CALCOCO2: variants seen among roughly 807,000 people sequenced by gnomAD.
The protein encoded by CALCOCO2 is calcium binding and coiled-coil domain 2.
A neutral mutation model predicts 62.5 loss-of-function variants in CALCOCO2; 42 were observed. That is an observed-to-expected ratio of 0.67 (90% CI 0.53 to 0.87). The LOEUF (loss-of-function observed/expected upper bound fraction) is 0.87. Among genes scored for constraint, CALCOCO2 ranks in the 40% least tolerant of loss-of-function variants. The pLI is 0.00. For synonymous variants in CALCOCO2, 167 were observed against 173.0 expected, an observed-to-expected ratio of 0.97 and a Z score of 0.27; for missense variants, 456 against 515.0, an observed-to-expected ratio of 0.89 and a Z score of 1.11.
rs561833662 is a variant in CALCOCO2, at chr17:48,857,673, G to A, written c.1008+1486G>A. 5.5e-4 allele frequency among the ~76,000 whole-genome samples: 82 copies of A among 149,050 alleles called. No homozygotes were observed. The South Asian group carries it at 0.015, about 28-fold the overall frequency. The stretch of plus-strand genomic sequence containing the variant: ...ACTATTTTTTTCTTTTTAAAATTGC[G>A]GTTAAAACACATAAAATTTGGCTGG... On this transcript the variant is annotated intron_variant, in intron 10 of 12. Coordinates refer to ENST00000258947, the MANE Select transcript of CALCOCO2 (RefSeq NM_005831.5).
chr17:48,839,391 C>T (rs2039943442), intron 1 of CALCOCO2: 1 of 149,860 alleles, frequency 6.7e-6, no homozygotes, highest in Admixed American at 6.8e-5. Context: ...CTCTGTCCCC[C>T]AGGCTGGAGT....
intron 1 of CALCOCO2, among the ~76,000 whole-genome samples, chr17:48,838,396 T>C (rs955647898): frequency 1.3e-5 from 2 of 152,088 alleles, no homozygotes; most frequent in African/African-American, 4.8e-5. Flanking sequence ...ACTTTTTTTT[T>C]CTTTGGAGAC....
intron 10 of CALCOCO2, among the ~76,000 whole-genome samples, chr17:48,858,841 T>G (rs1228022038): frequency 6.6e-6 from 1 of 150,862 alleles, no homozygotes; most frequent in East Asian, 2.0e-4. Context: ...GATCACGAGG[T>G]CAGGAGTTCA....
chr17:48,850,728 G>C (rs1024491508), intron 5 of CALCOCO2, among the ~76,000 whole-genome samples: 44 of 152,010 alleles, frequency 2.9e-4, no homozygotes, highest in African/African-American at 1.1e-3. Flanking sequence ...AGTGGAATGA[G>C]AAATTAAGGT....
rs561228963 is a variant in CALCOCO2, at chr17:48,858,122, G to A, written c.1008+1935G>A. Among the ~76,000 whole-genome samples, 15 of 150,852 alleles carry A rather than the reference G, an allele frequency of 9.9e-5. 1 individual carries two copies. In the South Asian group the frequency reaches 3.0e-3, roughly 30 times the overall value. On this transcript the variant is annotated intron_variant, in intron 10 of 12. Transcript: ENST00000258947. ...AGTGTACAGTTCAGTAGAGTTAAGT[G>A]CATCACAGTGCTATGCAACAGATCT...
At chr17:48,842,032 C>G (rs2039980630) in intron 2 of CALCOCO2, 145 bp downstream of exon 2, 3 of 509,318 alleles carry the variant, frequency 5.9e-6, no homozygotes, top group African/African-American at 3.9e-5. Context: ...CAGCACTTCT[C>G]TCTTCACACA....
intron 9 of CALCOCO2, among the ~76,000 whole-genome samples, chr17:48,854,396 A>ATTTTTTT (rs1226127478): frequency 2.1e-3 from 4 of 1,912 alleles, no homozygotes; most frequent in Non-Finnish European, 2.0e-3. Context: ...ATATATATAT[A>ATTTTTTT]TTTTTTTTTT....
intron 2 of CALCOCO2, 125 bp downstream of exon 2, chr17:48,842,012 C>G: frequency 1.7e-6 from 1 of 604,992 alleles, no homozygotes; most frequent in Non-Finnish European, 2.8e-6. Context: ...TAAATTCTAG[C>G]CAAGCTCCAC....
chr17:48,858,072 A>AATAGAATAGAATAGG, intron 10 of CALCOCO2, among the ~76,000 whole-genome samples: 1 of 147,002 alleles, frequency 6.8e-6, no homozygotes, highest in Non-Finnish European at 1.5e-5. Flanking sequence ...AATAGAATAG[A>AATAGAATAGAATAGG]ATTTTACCAT....
chr17:48,845,458 TG>T (rs1489756716), intron 2 of CALCOCO2, among the ~76,000 whole-genome samples: 14 of 149,774 alleles, frequency 9.3e-5, no homozygotes, highest in African/African-American at 3.4e-4. Context: ...GGCCAGGTGC[TG>T]TGGCTCATGC....
chr17:48,850,931 A>AG, intron 5 of CALCOCO2, 158 bp from the exon 6 acceptor site: 5 of 519,536 alleles, frequency 9.6e-6, no homozygotes, highest in Non-Finnish European at 7.1e-6. Context: ...AAAAAAAAAA[A>AG]AAGAACATTT....
intron 1 of CALCOCO2, among the ~76,000 whole-genome samples, chr17:48,836,368 C>T (rs1449984802): frequency 1.3e-5 from 2 of 152,152 alleles, no homozygotes; most frequent in African/African-American, 2.4e-5. Context: ...AGCAGTTTCT[C>T]CAAGGGTCAA....
At position 48,858,433 on chromosome 17, in the gene CALCOCO2, G is replaced by A. The variant is rs537762515; in HGVS notation, c.1009-1881G>A. Among the ~76,000 whole-genome samples the A allele has an allele frequency of 2.1e-4, 32 of 152,114 alleles. No individual in the cohort carries two copies. In the East Asian group the frequency reaches 6.2e-3, roughly 30 times the overall value. On this transcript the variant is annotated intron_variant, in intron 10 of 12. Transcript: ENST00000258947. Reference sequence around the variant, plus strand: ...CAACCTCCACCTCCCAGATTCAAGTGATTCTTGTGCTTCAGCCTCCTGAGT... The same window carrying A: ...CAACCTCCACCTCCCAGATTCAAGTAATTCTTGTGCTTCAGCCTCCTGAGT...
chr17:48,857,984 G>A (rs1051690822), intron 10 of CALCOCO2, among the ~76,000 whole-genome samples: 10 of 19,298 alleles, frequency 5.2e-4, no homozygotes, highest in Non-Finnish European at 8.4e-4. Context: ...CAATAGAATA[G>A]AATAGAATAG....
In CALCOCO2 at chr17:48,856,106, C is replaced by G; in HGVS notation, c.927C>G (p.Asp309Glu). The change falls in exon 10 of 13, where the codon GAC becomes GAG. Residue 309 changes from aspartate (D) to glutamate (E), a missense_variant. Physicochemically the swap from Asp to Glu is conservative, Grantham distance 45. This residue lies in a region of CALCOCO2 where 172 missense variants were observed against 210.3 expected (regional missense o/e 0.82). Coordinates refer to ENST00000258947, the MANE Select transcript of CALCOCO2 (RefSeq NM_005831.5). ...ATTGTTGACAGGATGAAAACTTTGACCTGTCAAAAAGACTGAGTGAGAACG... is the reference window on the plus strand; with the variant it reads ...ATTGTTGACAGGATGAAAACTTTGAGCTGTCAAAAAGACTGAGTGAGAACG... ...KQQELMDENF[D>E]LSKRLSENEI... 1 of 1,580,850 alleles carries G rather than the reference C, an allele frequency of 6.3e-7. No individual in the cohort carries two copies.
At chr17:48,850,422 A>G (rs769159723) in intron 5 of CALCOCO2, among the ~76,000 whole-genome samples, 3 of 152,324 alleles carry the variant, frequency 2.0e-5, no homozygotes, top group Admixed American at 6.5e-5. Flanking sequence ...ACGCCACTGC[A>G]CTCCAGCCTG....
chr17:48,847,270 G>A (rs913421472), intron 2 of CALCOCO2, among the ~76,000 whole-genome samples: 7 of 152,046 alleles, frequency 4.6e-5, no homozygotes, highest in African/African-American at 1.7e-4. Flanking sequence ...ATCCAGGTTG[G>A]TATATGACAA....
chr17:48,848,451 C>T lies in CALCOCO2; in HGVS notation c.413C>T (p.Thr138Ile). Residue 138 changes from threonine (T) to isoleucine (I), a missense_variant, in exon 4 of 13, where the codon ACT becomes ATT. By Grantham distance (89) the Thr-to-Ile change is moderately conservative. Coordinates refer to ENST00000258947, the MANE Select transcript of CALCOCO2 (RefSeq NM_005831.5). ...GAGGAAGACATCCTGGTTGTTACCA[C>T]TCAGGTTTGTAAAACTTCTCACCTC... ...ENEEDILVVT[T>I]QGEVEEIEQH... 1 of 1,613,828 alleles carries T rather than the reference C, an allele frequency of 6.2e-7. No homozygotes were observed. The highest frequency in any genetic ancestry group is 8.5e-7 in the Non-Finnish European group (1 of 1,179,790).
At chr17:48,845,465 C>T (rs1198024426) in intron 2 of CALCOCO2, among the ~76,000 whole-genome samples, 2 of 150,720 alleles carry the variant, frequency 1.3e-5, no homozygotes, top group African/African-American at 2.4e-5. Context: ...TGCTGTGGCT[C>T]ATGCCTGTAA....
Sources: allele counts gnomAD v4.1 joint callset (sites outside exome capture counted in the v4.1 genomes callset), GRCh38; gene constraint gnomAD v4.1.1; regional missense constraint gnomAD v4.1.1; transcripts MANE v1.5; gene names NCBI Gene and HGNC (gene_info 2026-07-23, HGNC 2026-07-21).